CALD1: variants seen among roughly 807,000 people sequenced by gnomAD.
CALD1 encodes the protein caldesmon.
A neutral mutation model predicts 99.9 loss-of-function variants in CALD1; 33 were observed. The observed-to-expected ratio is 0.33, with a 90% CI of 0.25 to 0.44. The LOEUF (loss-of-function observed/expected upper bound fraction) is 0.44, where lower values mean the gene tolerates loss of function less well. CALD1 is among the 20% of genes least tolerant of loss of function. The pLI is 1.00. For synonymous variants in CALD1, 310 were observed against 325.0 expected (o/e 0.95, Z 0.50); for missense variants, 861 against 962.1 (o/e 0.89, Z 1.39).
chr7:134,881,350 C>A (rs1801592405), intron 3 of CALD1, among the ~76,000 whole-genome samples: 2 of 152,148 alleles, frequency 1.3e-5, no homozygotes, highest in Non-Finnish European at 2.9e-5. Flanking sequence ...TTTATTATCA[C>A]ATTAGAGCTA....
At chr7:134,711,726 G>GTGTGTGTCTC in the CALD1 span, among the ~76,000 whole-genome samples, 14 of 96,742 alleles carry the variant, frequency 1.4e-4, no homozygotes, top group South Asian at 7.2e-4. Flanking sequence ...GTGTGTGTGT[G>GTGTGTGTCTC]TCTCTCTCTC....
intron 2 of CALD1, among the ~76,000 whole-genome samples, chr7:134,858,055 G>A (rs1033602567): frequency 6.8e-6 from 1 of 147,428 alleles, no homozygotes; most frequent in African/African-American, 2.5e-5. Context: ...GTCACAAAAA[G>A]CAGGCACATG....
chr7:134,746,985 T>C (rs1307729887), intron 1 of CALD1, among the ~76,000 whole-genome samples: 1 of 152,176 alleles, frequency 6.6e-6, no homozygotes, highest in South Asian at 2.1e-4. Context: ...GATTTAAAGA[T>C]GGAATTGTTA....
intron 3 of CALD1, among the ~76,000 whole-genome samples, chr7:134,921,549 C>T (rs1266229447): frequency 6.6e-5 from 10 of 152,158 alleles, no homozygotes; most frequent in African/African-American, 2.2e-4. Flanking sequence ...TGGTGGTTTA[C>T]GCCTGTAATC....
At chr7:134,836,250 T>C (rs1799435704) in intron 1 of CALD1, among the ~76,000 whole-genome samples, 1 of 152,060 alleles carries the variant, frequency 6.6e-6, no homozygotes, top group Non-Finnish European at 1.5e-5. Flanking sequence ...GGTTCTAATC[T>C]TCATAGTTGC....
chr7:134,753,898 A>G (rs1025471381), intron 1 of CALD1, among the ~76,000 whole-genome samples: 6 of 152,212 alleles, frequency 3.9e-5, no homozygotes, highest in Admixed American at 2.0e-4. Flanking sequence ...ACTCTGTTGC[A>G]AACTCTGGCT....
intron 3 of CALD1, among the ~76,000 whole-genome samples, chr7:134,893,041 C>T (rs143096803): frequency 6.5e-4 from 99 of 152,242 alleles, no homozygotes; most frequent in African/African-American, 2.3e-3. Flanking sequence ...AGCAATAGAG[C>T]GTGGGATGCT....
intron 3 of CALD1, among the ~76,000 whole-genome samples, chr7:134,909,724 C>G (rs1419278599): frequency 6.6e-6 from 1 of 152,080 alleles, no homozygotes; most frequent in East Asian, 1.9e-4. Context: ...GAAGTGCAGA[C>G]TGAGCTGGGA....
At position 134,941,220 on chromosome 7, in the gene CALD1, T is replaced by C; in HGVS notation, c.1515T>C (p.His505=). Reference sequence around the variant, plus strand: ...AATTCATGACCCACAAACTTAAACATACTGAGAATACTTTCAGGTAAGAAG... The same window carrying C: ...AATTCATGACCCACAAACTTAAACACACTGAGAATACTTTCAGGTAAGAAG... ...NGEFMTHKLK[H]TENTFSRPGG... The change falls in exon 7 of 15, where the codon CAT becomes CAC. Residue 505 remains histidine, a synonymous_variant. Transcript: ENST00000361675. 1 of 1,601,924 alleles carries C rather than the reference T, an allele frequency of 6.2e-7. No individual in the cohort carries two copies. Among genetic ancestry groups the C allele is most frequent in the Non-Finnish European group, 8.5e-7 (1 of 1,176,846 alleles).
chr7:134,909,971 T>C (rs1435154254), intron 3 of CALD1, among the ~76,000 whole-genome samples: 2 of 152,200 alleles, frequency 1.3e-5, no homozygotes, highest in South Asian at 2.1e-4. Context: ...CAAAGGGACA[T>C]TGGACAATTT....
chr7:134,813,461 A>G (rs920158426), intron 1 of CALD1, among the ~76,000 whole-genome samples: 2 of 152,356 alleles, frequency 1.3e-5, no homozygotes, highest in African/African-American at 4.8e-5. Context: ...ATAAGAGAGC[A>G]TGAAACCTAG....
intron 1 of CALD1, among the ~76,000 whole-genome samples, chr7:134,799,557 G>A (rs1429424278): frequency 6.6e-6 from 1 of 152,182 alleles, no homozygotes; most frequent in Non-Finnish European, 1.5e-5. Flanking sequence ...CCAGATGTGA[G>A]TTAGCATTTC....
intron 3 of CALD1, among the ~76,000 whole-genome samples, chr7:134,917,394 G>A: frequency 6.6e-6 from 1 of 152,026 alleles, no homozygotes; most frequent in East Asian, 1.9e-4. Context: ...TGTTGCCCAG[G>A]CCGGAGTGCA....
intron 2 of CALD1, among the ~76,000 whole-genome samples, chr7:134,846,451 C>T (rs1199024988): frequency 6.6e-6 from 1 of 152,230 alleles, no homozygotes; most frequent in Non-Finnish European, 1.5e-5. Flanking sequence ...CTCTAGGCCT[C>T]ACCATCAAAT....
chr7:134,822,668 T>C (rs967754284), intron 1 of CALD1, among the ~76,000 whole-genome samples: 2 of 152,212 alleles, frequency 1.3e-5, no homozygotes, highest in African/African-American at 4.8e-5. Flanking sequence ...CTTCCTTGTA[T>C]AAAAATATTT....
intron 1 of CALD1, among the ~76,000 whole-genome samples, chr7:134,813,375 A>C (rs900190585): frequency 6.6e-5 from 10 of 152,200 alleles, no homozygotes; most frequent in African/African-American, 2.4e-4. Flanking sequence ...TATGATGATG[A>C]GAATAATCTA....
chr7:134,823,107 G>A (rs570780498), intron 1 of CALD1, among the ~76,000 whole-genome samples: 82 of 152,276 alleles, frequency 5.4e-4, no homozygotes, highest in East Asian at 2.7e-3. Context: ...TGGGGAAGAT[G>A]TATGCCTCTA....
Position 134,787,984 on chromosome 7 carries a change from G to A in CALD1, c.-130+8235G>A, listed in dbSNP as rs1032866666. ...GATTAGAATCCACCTCTGTACAATG[G>A]CACCATCTGGACTCAGTCTCCTTCA... is the stretch of plus-strand genomic sequence containing the variant. On this transcript the variant is annotated intron_variant, in intron 1 of 14. Coordinates refer to ENST00000361675, the MANE Select transcript of CALD1 (RefSeq NM_033138.4). Among the ~76,000 whole-genome samples the A allele has an allele frequency of 7.2e-5, 11 of 152,212 alleles. No homozygotes were observed. The South Asian group carries it at 1.9e-3, about 26-fold the overall frequency.
At chr7:134,891,158 C>A (rs1024387718) in intron 3 of CALD1, among the ~76,000 whole-genome samples, 2 of 152,144 alleles carry the variant, frequency 1.3e-5, no homozygotes, top group Admixed American at 6.5e-5. Context: ...AAAGGCTGAG[C>A]AAATGCATCA....
Sources: allele counts gnomAD v4.1 joint callset (sites outside exome capture counted in the v4.1 genomes callset), GRCh38; gene constraint gnomAD v4.1.1; transcripts MANE v1.5; gene names NCBI Gene and HGNC (gene_info 2026-07-23, HGNC 2026-07-21).